CDKL2: variants seen among roughly 807,000 people sequenced by gnomAD.
The protein encoded by CDKL2 is cyclin dependent kinase like 2.
A neutral mutation model predicts 63.9 loss-of-function variants in CDKL2; 64 were observed. The observed-to-expected ratio is 1.00, with a 90% CI of 0.82 to 1.23. The LOEUF (loss-of-function observed/expected upper bound fraction) is 1.23. CDKL2 is among the 50% of genes most tolerant of loss of function. The pLI is 0.00. For missense variants in CDKL2, 656 were observed against 668.0 expected, an observed-to-expected ratio of 0.98 and a Z score of 0.20; for synonymous variants, 211 against 229.2, an observed-to-expected ratio of 0.92 and a Z score of 0.72.
At chr4:75,601,119 A>G (rs1462581636) in intron 6 of CDKL2, among the ~76,000 whole-genome samples, 1 of 152,212 alleles carries the variant, frequency 6.6e-6, no homozygotes, top group African/African-American at 2.4e-5. Flanking sequence ...ATATCGACCA[A>G]TTGCAATCTA....
chr4:75,608,799 G>A (rs558013111), intron 3 of CDKL2, among the ~76,000 whole-genome samples: 2 of 152,234 alleles, frequency 1.3e-5, no homozygotes, highest in South Asian at 4.1e-4. Context: ...TTCAAGACCA[G>A]CCTGGCCAAC....
intron 3 of CDKL2, among the ~76,000 whole-genome samples, chr4:75,607,632 G>A (rs1319010212): frequency 6.6e-6 from 1 of 152,116 alleles, no homozygotes. Context: ...TCAAGACTAA[G>A]AGAGTAAAGC....
chr4:75,589,998 G>A (rs1346656343), intron 12 of CDKL2, among the ~76,000 whole-genome samples: 1 of 149,178 alleles, frequency 6.7e-6, no homozygotes. Context: ...AAAAAAAAAA[G>A]AGGCCAGGTA....
At position 75,625,881 on chromosome 4, in the gene CDKL2, TA is replaced by T; in HGVS notation, c.107del (p.Leu36Ter). 6.2e-7 allele frequency: 1 copy of T among 1,613,574 alleles called. No individual in the cohort carries two copies. The highest frequency in any genetic ancestry group is 8.5e-7 in the Non-Finnish European group (1 of 1,179,818). ...TAACCATTTTGTCATCGTCACTTTC[TA>T]AGAACTTCTTTATGGCCACAATTCT... is the stretch of plus-strand genomic sequence containing the variant. ...TGRIVAIKKF[L>X]ESDDDKMVKK... On this transcript the variant is annotated frameshift_variant, in exon 2 of 14. Transcript: ENST00000307465. LOFTEE classifies it high-confidence loss of function.
intron 8 of CDKL2, 66 bp downstream of exon 8, chr4:75,598,011 A>AT (rs574511380): frequency 8.8e-7 from 1 of 1,138,130 alleles, no homozygotes; most frequent in Non-Finnish European, 1.2e-6. Flanking sequence ...TCAAAATCAT[A>AT]TTTTTTCTCA....
intron 2 of CDKL2, among the ~76,000 whole-genome samples, chr4:75,618,315 G>A (rs1245689840): frequency 4.2e-5 from 5 of 119,794 alleles, no homozygotes; most frequent in Non-Finnish European, 8.1e-5. Context: ...GCAATGGCGC[G>A]ATCTCGGCTC....
chr4:75,591,939 A>G lies in CDKL2; in HGVS notation c.1541-14T>C, dbSNP rs1333355140. ...TGGAATTTCGAGCTAGATAGAAATGACCATAAACACAGTGAAAATATTAGA... is the reference window on the plus strand; with the variant it reads ...TGGAATTTCGAGCTAGATAGAAATGGCCATAAACACAGTGAAAATATTAGA... On this transcript the variant is annotated splice_polypyrimidine_tract_variant and intron_variant, in intron 11 of 13. Transcript: ENST00000307465. The G allele has an allele frequency of 6.6e-7, 1 of 1,512,260 alleles. No individual in the cohort carries two copies. The highest frequency in any genetic ancestry group is 1.4e-5 in the African/African-American group (1 of 72,300). 93.7% of individuals were successfully genotyped at this position (1,512,260 alleles called of 1,614,324 possible).
intron 13 of CDKL2, among the ~76,000 whole-genome samples, chr4:75,580,666 CA>C (rs1309056455): frequency 6.9e-6 from 1 of 144,402 alleles, no homozygotes; most frequent in African/African-American, 2.5e-5. Context: ...GATCCCATCT[CA>C]AAAAAAATGT....
At chr4:75,621,365 A>G (rs896086822) in intron 2 of CDKL2, among the ~76,000 whole-genome samples, 2 of 152,008 alleles carry the variant, frequency 1.3e-5, no homozygotes, top group East Asian at 3.8e-4. Context: ...GAAAACCTTA[A>G]AAGTATCTAG....
intron 2 of CDKL2, among the ~76,000 whole-genome samples, chr4:75,618,442 C>T (rs1417721767): frequency 2.6e-5 from 4 of 151,346 alleles, no homozygotes; most frequent in Admixed American, 1.3e-4. Flanking sequence ...TTAGTAGAGA[C>T]GGGGTTTCTC....
rs1411449671 is a variant in CDKL2 at position 75,591,800 on chromosome 4, A to G, written c.1647+19T>C. On this transcript the variant is annotated intron_variant, in intron 12 of 13. Transcript: ENST00000307465. ...GAGAGACCCGAGTTCTGTCCATCCTATAAAGAGTATTTCTGTACCTGATGT... is the reference window on the plus strand; with the variant it reads ...GAGAGACCCGAGTTCTGTCCATCCTGTAAAGAGTATTTCTGTACCTGATGT... 3 of 1,481,566 alleles carry G rather than the reference A, an allele frequency of 2.0e-6. No homozygotes were observed. The Admixed American group carries it at 6.0e-5, about 29-fold the overall frequency. The allele number at this position is 1,481,566 out of a possible 1,614,324, so 91.8% of individuals were successfully genotyped here.
In CDKL2 at chr4:75,587,602, C is replaced by G. The variant is rs941810131; in HGVS notation, c.1647+4217G>C. 2.6e-5 allele frequency among the ~76,000 whole-genome samples: 4 copies of G among 151,820 alleles called. No individual in the cohort carries two copies. The South Asian group carries it at 8.3e-4, about 32-fold the overall frequency. The stretch of plus-strand genomic sequence containing the variant: ...AAGAAGAAACAGAAAATCTGAATAG[C>G]ACTGTATATTTTAAAGAAATTGAGA... On this transcript the variant is annotated intron_variant, in intron 12 of 13. Transcript: ENST00000307465.
chr4:75,603,784 C>T, intron 6 of CDKL2, 33 bp downstream of exon 6: 2 of 1,486,038 alleles, frequency 1.3e-6, no homozygotes, highest in Non-Finnish European at 1.8e-6. Flanking sequence ...CATAAATTCC[C>T]TGTCATAAAG....
Position 75,588,850 on chromosome 4 carries a change from G to C in CDKL2, c.1647+2969C>G, listed in dbSNP as rs191049474. 3.4e-4 allele frequency among the ~76,000 whole-genome samples: 51 copies of C among 151,186 alleles called. 1 individual carries two copies. Among genetic ancestry groups the C allele is most frequent in the African/African-American group, 1.2e-3 (48 of 41,116 alleles). ...TACAAATCCATCTGCATTATCTGTT[G>C]TGCCAGATAGCAAGGAATTCCTCAA... On this transcript the variant is annotated intron_variant, in intron 12 of 13. Transcript: ENST00000307465.
At chr4:75,591,725 A>T in intron 12 of CDKL2, 94 bp downstream of exon 12, 1 of 791,502 alleles carries the variant, frequency 1.3e-6, no homozygotes, top group Non-Finnish European at 2.0e-6. Context: ...ATAAACCTGC[A>T]CAATTCTTAA....
intron 2 of CDKL2, among the ~76,000 whole-genome samples, chr4:75,615,618 G>A (rs563179455): frequency 6.6e-6 from 1 of 152,258 alleles, no homozygotes; most frequent in Non-Finnish European, 1.5e-5. Context: ...TACAAATGTG[G>A]GCATCATGGT....
At chr4:75,625,252 C>T (rs1730347739) in intron 2 of CDKL2, among the ~76,000 whole-genome samples, 2 of 151,954 alleles carry the variant, frequency 1.3e-5, no homozygotes, top group Non-Finnish European at 2.9e-5. Context: ...GGTGTATACT[C>T]AGAACATAGG....
rs778866408 is a variant in CDKL2 at position 75,614,250 on chromosome 4, C to T, written c.363+5G>A. On this transcript the variant is annotated splice_donor_5th_base_variant and intron_variant, in intron 3 of 13. Coordinates refer to ENST00000307465, the MANE Select transcript of CDKL2 (RefSeq NM_001330724.2). Reference sequence around the variant, plus strand: ...TAAAGCAAATTATTTAAACCCAATACTTACATTGTGACTGTGACAAAATCC... The same window carrying T: ...TAAAGCAAATTATTTAAACCCAATATTTACATTGTGACTGTGACAAAATCC... The T allele has an allele frequency of 8.3e-6, 13 of 1,562,856 alleles. No homozygotes were observed. Among genetic ancestry groups the T allele is most frequent in the Admixed American group, 3.5e-5 (2 of 56,550 alleles).
rs569593945 is a variant in CDKL2 at position 75,606,962 on chromosome 4, A to C, written c.542+221T>G. Among the ~76,000 whole-genome samples the C allele has an allele frequency of 9.6e-4, 146 of 152,344 alleles. 1 individual carries two copies. Among genetic ancestry groups the C allele is most frequent in the Middle Eastern group, 3.4e-3 (1 of 294 alleles). ...TATCTATTTCCAACCCACTGTATAAAATAGACCACTTAATTTCCCCACCTC... is the reference window on the plus strand; with the variant it reads ...TATCTATTTCCAACCCACTGTATAACATAGACCACTTAATTTCCCCACCTC... On this transcript the variant is annotated intron_variant, in intron 4 of 13. Transcript: ENST00000307465.
Sources: allele counts gnomAD v4.1 joint callset (sites outside exome capture counted in the v4.1 genomes callset), GRCh38; gene constraint gnomAD v4.1.1; transcripts MANE v1.5; gene names NCBI Gene and HGNC (gene_info 2026-07-23, HGNC 2026-07-21).